PHOSPHO2: variants seen among roughly 807,000 people sequenced by gnomAD.
The protein encoded by PHOSPHO2 is phosphatase, orphan 2.
A neutral mutation model predicts 16.4 loss-of-function variants in PHOSPHO2; 14 were observed. That is an observed-to-expected ratio of 0.85 (90% CI 0.56 to 1.33). The LOEUF (loss-of-function observed/expected upper bound fraction) is 1.33, where lower values mean the gene tolerates loss of function less well. Ranked by LOEUF, PHOSPHO2 falls within the 40% of genes most tolerant of loss-of-function variation. The pLI, the probability that PHOSPHO2 is intolerant of heterozygous loss-of-function variation, is 0.00. For missense variants in PHOSPHO2, 246 were observed against 282.5 expected (o/e 0.87, Z 0.93); for synonymous variants, 85 against 90.5 (o/e 0.94, Z 0.34).
At chr2:169,700,367 A>G (rs1435829424) in intron 3 of PHOSPHO2, among the ~76,000 whole-genome samples, 1 of 145,492 alleles carries the variant, frequency 6.9e-6, no homozygotes, top group Non-Finnish European at 1.5e-5. Flanking sequence ...TGATTTTTGT[A>G]TATGGTGTTA....
chr2:169,700,864 T>G (rs1687728177), intron 3 of PHOSPHO2, 82 bp from the exon 4 acceptor site: 5 of 1,297,894 alleles, frequency 3.9e-6, no homozygotes, highest in Non-Finnish European at 5.1e-6. Flanking sequence ...CAGATTAACA[T>G]TTAGTTATGT....
chr2:169,697,875 T>C (rs1235651007), intron 3 of PHOSPHO2: 1 of 152,248 alleles, frequency 6.6e-6, no homozygotes, highest in Non-Finnish European at 1.5e-5. Context: ...GAAAGTGAAT[T>C]CTGCATTTAA....
chr2:169,701,682 T>G lies in PHOSPHO2; in HGVS notation c.711T>G (p.Phe237Leu). 6.5e-7 allele frequency: 1 copy of G among 1,546,554 alleles called. No homozygotes were observed. Among genetic ancestry groups the G allele is most frequent in the Non-Finnish European group, 8.7e-7 (1 of 1,147,864 alleles). Residue 237 changes from phenylalanine to leucine, a missense_variant, in exon 4 of 4, where the codon TTT (phenylalanine) becomes TTG (leucine). By Grantham distance (22) the Phe-to-Leu change is conservative. Transcript: ENST00000359744. Reference protein sequence around the residue: ...SGVDIISHLQFLIKD With the variant: ...SGVDIISHLQLLIKD ...TTGATATAATTTCTCATTTACAATTTCTAATAAAGGATTAATATGTCAGCA... is the reference window on the plus strand; with the variant it reads ...TTGATATAATTTCTCATTTACAATTGCTAATAAAGGATTAATATGTCAGCA...
At position 169,701,000 on chromosome 2, in the gene PHOSPHO2, AC is replaced by A; in HGVS notation, c.30del (p.Asp10GlufsTer5). ...AAAATTTTGCTAGTTTTTGACTTTG[AC>A]AATACAATCATAGATGACAATAGTG... Reference protein sequence around the residue: MKILLVFDFDNTIIDDNSDT... With the variant: MKILLVFDFXNTIIDDNSDT... On this transcript the variant is annotated frameshift_variant, in exon 4 of 4. Coordinates refer to ENST00000359744, the MANE Select transcript of PHOSPHO2 (RefSeq NM_001008489.4). LOFTEE classifies it high-confidence loss of function. The A allele has an allele frequency of 6.3e-7, 1 of 1,599,942 alleles. No individual in the cohort carries two copies. The highest frequency in any genetic ancestry group is 8.5e-7 in the Non-Finnish European group (1 of 1,174,286).
At chr2:169,696,393 T>G (rs1321965117) in intron 2 of PHOSPHO2, among the ~76,000 whole-genome samples, 2 of 152,228 alleles carry the variant, frequency 1.3e-5, no homozygotes, top group East Asian at 3.8e-4. Flanking sequence ...ATGTAAACAT[T>G]TTCTAAAACA....
In PHOSPHO2 at chr2:169,701,333, T is replaced by G; in HGVS notation, c.362T>G (p.Val121Gly). Residue 121 changes from valine (V) to glycine (G), a missense_variant, in exon 4 of 4, where the codon GTG (valine) becomes GGG (glycine). Coordinates refer to ENST00000359744, the MANE Select transcript of PHOSPHO2 (RefSeq NM_001008489.4). The part of the protein sequence containing the change: ...AASFHDIFDK[V>G]FTNPAAFNSN... Reference sequence around the variant, plus strand: ...AGTTTTCATGACATATTTGATAAAGTGTTTACAAATCCAGCAGCTTTTAAT... The same window carrying G: ...AGTTTTCATGACATATTTGATAAAGGGTTTACAAATCCAGCAGCTTTTAAT... 2 of 1,613,046 alleles carry G rather than the reference T, an allele frequency of 1.2e-6. No individual in the cohort carries two copies. Among genetic ancestry groups the G allele is most frequent in the Non-Finnish European group, 1.7e-6 (2 of 1,179,676 alleles).
chr2:169,700,559 CAG>C (rs529673626), intron 3 of PHOSPHO2, among the ~76,000 whole-genome samples: 60 of 151,904 alleles, frequency 3.9e-4, no homozygotes, highest in Non-Finnish European at 7.9e-4. Flanking sequence ...GGTTAGTACA[CAG>C]AGAGTCCTTT....
At chr2:169,700,913 T>C (rs779703782) in intron 3 of PHOSPHO2, 33 bp from the exon 4 acceptor site, 96 of 1,494,624 alleles carry the variant, frequency 6.4e-5, no homozygotes, top group Non-Finnish European at 7.7e-5. Flanking sequence ...GTAAACAGAG[T>C]TTGTTTAGGG....
Position 169,701,635 on chromosome 2 carries a change from G to A in PHOSPHO2, c.664G>A (p.Val222Ile), listed in dbSNP as rs373621071. 58 of 1,597,174 alleles carry A rather than the reference G, an allele frequency of 3.6e-5. No individual in the cohort carries two copies. Among genetic ancestry groups the A allele is most frequent in the Non-Finnish European group, 4.8e-5 (57 of 1,176,458 alleles). ...SQNLEPMEYS[V>I]VVWSSGVDII... ...AAATCTTGAGCCTATGGAATATTCT[G>A]TTGTAGTTTGGTCCTCAGGTGTTGA... Residue 222 changes from valine to isoleucine, a missense_variant, in exon 4 of 4, where the codon GTT becomes ATT. Val to Ile is a conservative substitution (Grantham distance 29, BLOSUM62 3). Coordinates refer to ENST00000359744, the MANE Select transcript of PHOSPHO2 (RefSeq NM_001008489.4).
intron 2 of PHOSPHO2, among the ~76,000 whole-genome samples, chr2:169,697,006 A>G (rs781623268): frequency 6.0e-4 from 87 of 145,518 alleles, no homozygotes; most frequent in Non-Finnish European, 1.1e-3. Context: ...TAATTAGAAA[A>G]TACAAAAAAA....
At chr2:169,700,846 C>T (rs771425112) in intron 3 of PHOSPHO2, 100 bp from the exon 4 acceptor site, 37 of 1,198,496 alleles carry the variant, frequency 3.1e-5, no homozygotes, top group Non-Finnish European at 3.8e-5. Flanking sequence ...TTATATTCCT[C>T]CCTTTAGCAG....
chr2:169,696,707 A>G (rs1687549810), intron 2 of PHOSPHO2, among the ~76,000 whole-genome samples: 1 of 152,254 alleles, frequency 6.6e-6, no homozygotes, highest in South Asian at 2.1e-4. Context: ...TCACATTCTT[A>G]AAACTAAATC....
rs1285854349 is a variant in PHOSPHO2, at chr2:169,701,034, G to A, written c.63G>A (p.Trp21Ter). 6.2e-7 allele frequency: 1 copy of A among 1,613,484 alleles called. No individual in the cohort carries two copies. Among genetic ancestry groups the A allele is most frequent in the East Asian group, 2.2e-5 (1 of 44,848 alleles). The change falls in exon 4 of 4, where the codon TGG (tryptophan) becomes TGA (stop). Residue 21 changes from tryptophan to a stop codon, truncating the protein, a stop_gained. Coordinates refer to ENST00000359744, the MANE Select transcript of PHOSPHO2 (RefSeq NM_001008489.4). LOFTEE classifies it high-confidence loss of function. The stretch of plus-strand genomic sequence containing the variant: ...TCATAGATGACAATAGTGACACTTG[G>A]ATTGTACAATGTGCTCCCAACAAAA... The part of the protein sequence containing the change: ...NTIIDDNSDT[W>*]IVQCAPNKKL...
At position 169,701,577 on chromosome 2, in the gene PHOSPHO2, T is replaced by C. The variant is rs748802911; in HGVS notation, c.606T>C (p.Tyr202=). ...NDDVAMPRKG[Y]TLQKTLSRMS... ...ATGTTGCCATGCCACGGAAAGGATA[T>C]ACCTTACAGAAAACTCTTTCCAGAA... The change falls in exon 4 of 4, where the codon TAT becomes TAC. Residue 202 remains tyrosine (Y), a synonymous_variant. Transcript: ENST00000359744. 3 of 1,611,916 alleles carry C rather than the reference T, an allele frequency of 1.9e-6. No homozygotes were observed. The highest frequency in any genetic ancestry group is 2.5e-6 in the Non-Finnish European group (3 of 1,179,964).
In PHOSPHO2 at chr2:169,697,445, T is replaced by G. The variant is rs1213540979; in HGVS notation, c.-113T>G. 6.6e-6 allele frequency: 1 copy of G among 152,234 alleles called. No individual in the cohort carries two copies. Among genetic ancestry groups the G allele is most frequent in the East Asian group, 1.9e-4 (1 of 5,204 alleles). The allele number at this position is 152,234 out of a possible 1,614,324, so 9.4% of individuals were successfully genotyped here. On this transcript the variant is annotated 5_prime_UTR_variant, in exon 3 of 4. Coordinates refer to ENST00000359744, the MANE Select transcript of PHOSPHO2 (RefSeq NM_001008489.4). ...AATAGGAGTAATATTTGAAAACAAC[T>G]GGCTGATGTTTAAAACTGAAGATTG...
intron 2 of PHOSPHO2, among the ~76,000 whole-genome samples, chr2:169,695,557 A>T (rs1313774397): frequency 1.3e-5 from 2 of 152,062 alleles, no homozygotes; most frequent in African/African-American, 4.8e-5. Flanking sequence ...GAATGGCGTG[A>T]ACCTGGGAGG....
intron 3 of PHOSPHO2, 98 bp from the exon 4 acceptor site, chr2:169,700,848 C>T (rs1574500129): frequency 1.6e-6 from 2 of 1,220,602 alleles, no homozygotes; most frequent in Non-Finnish European, 1.1e-6. Flanking sequence ...ATATTCCTCC[C>T]TTTAGCAGAT....
rs769143894 is a variant in PHOSPHO2 at position 169,701,480 on chromosome 2, A to G, written c.509A>G (p.Asn170Ser). The G allele has an allele frequency of 1.2e-6, 2 of 1,612,890 alleles. No homozygotes were observed. Among genetic ancestry groups the G allele is most frequent in the South Asian group, 1.1e-5 (1 of 90,600 alleles). Residue 170 changes from asparagine to serine, a missense_variant, in exon 4 of 4, where the codon AAT becomes AGT. Physicochemically the swap from Asn to Ser is conservative, Grantham distance 46. Transcript: ENST00000359744. Reference protein sequence around the residue: ...FVDKQLQQGVNYTQIVYIGDG... With the variant: ...FVDKQLQQGVSYTQIVYIGDG... ...GATAAACAGTTACAACAGGGAGTGA[A>G]TTATACACAAATTGTTTATATTGGT...
chr2:169,701,418 G>T lies in PHOSPHO2; in HGVS notation c.447G>T (p.Lys149Asn). The T allele has an allele frequency of 6.2e-7, 1 of 1,612,846 alleles. No individual in the cohort carries two copies. Among genetic ancestry groups the T allele is most frequent in the Non-Finnish European group, 8.5e-7 (1 of 1,179,772 alleles). The stretch of plus-strand genomic sequence containing the variant: ...CTCATTCTTGCAATAGATGCCCAAA[G>T]AATCTTTGCAAAAAGGTAGTTTTGA... ...YHTHSCNRCPKNLCKKVVLIE... is the reference protein window; with the variant it reads ...YHTHSCNRCPNNLCKKVVLIE... Residue 149 changes from lysine to asparagine, a missense_variant, in exon 4 of 4, where the codon AAG becomes AAT. Transcript: ENST00000359744.
Sources: gnomAD v4.1 joint callset for allele counts (sites outside exome capture counted in the v4.1 genomes callset) on GRCh38, gnomAD v4.1.1 for gene constraint, MANE v1.5 for transcripts, NCBI Gene and HGNC (gene_info 2026-07-23, HGNC 2026-07-21) for gene names.